The following CDH18 variants were observed in gnomAD, a reference collection of about 807,000 sequenced individuals.
The protein encoded by CDH18 is cadherin-18.
Under a neutral mutation model 67.9 loss-of-function variants are expected in CDH18, and 31 were observed. The ratio of observed to expected loss-of-function variants is 0.46; its 90% confidence interval spans 0.34 to 0.62. The LOEUF (loss-of-function observed/expected upper bound fraction) is 0.62. CDH18 is among the 20% of genes least tolerant of loss of function. The probability of loss-of-function intolerance (pLI) is 0.01; values close to 1 mark genes in which losing one functional copy is unlikely to be tolerated. For synonymous variants in CDH18, 362 were observed against 347.2 expected, an observed-to-expected ratio of 1.04 and a Z score of -0.48; for missense variants, 890 against 975.5, an observed-to-expected ratio of 0.91 and a Z score of 1.17.
chr5:19,947,209 A>G (rs2150250104), intron 2 of CDH18, among the ~76,000 whole-genome samples: 1 of 152,226 alleles, frequency 6.6e-6, no homozygotes, highest in East Asian at 1.9e-4. Flanking sequence ...AGTTTTATTC[A>G]ACATAATACT....
At chr5:20,130,598 C>A (rs374586526) in intron 2 of CDH18, among the ~76,000 whole-genome samples, 1 of 151,838 alleles carries the variant, frequency 6.6e-6, no homozygotes, top group Non-Finnish European at 1.5e-5. Context: ...CATCACAAGA[C>A]GACTGTAGGA....
intron 5 of CDH18, among the ~76,000 whole-genome samples, chr5:19,697,032 TG>T (rs1216907339): frequency 6.6e-6 from 1 of 152,196 alleles, no homozygotes; most frequent in Non-Finnish European, 1.5e-5. Context: ...ACTAGCTCAA[TG>T]AATGAAACAG....
At chr5:19,806,175 T>C (rs1581431021) in intron 3 of CDH18, among the ~76,000 whole-genome samples, 1 of 152,206 alleles carries the variant, frequency 6.6e-6, no homozygotes, top group Non-Finnish European at 1.5e-5. Flanking sequence ...GAGCAAAATA[T>C]ATTAGTGCAA....
intron 9 of CDH18, among the ~76,000 whole-genome samples, chr5:19,535,317 CT>C (rs1314869378): frequency 6.6e-6 from 1 of 152,094 alleles, no homozygotes; most frequent in East Asian, 1.9e-4. Flanking sequence ...CCTTCGCGAG[CT>C]AAGTAAAAGT....
chr5:20,470,268 C>T (rs1457034165), intron 1 of CDH18, among the ~76,000 whole-genome samples: 1 of 152,170 alleles, frequency 6.6e-6, no homozygotes, highest in Non-Finnish European at 1.5e-5. Context: ...AACTACACCA[C>T]TCTTCTTTAA....
At position 19,858,947 on chromosome 5, in the gene CDH18, T is replaced by C. The variant is rs1784572824; in HGVS notation, c.-256-19705A>G. Among the ~76,000 whole-genome samples the C allele has an allele frequency of 2.6e-5, 4 of 151,986 alleles. 1 individual carries two copies. The South Asian group carries it at 8.3e-4, about 31-fold the overall frequency. Reference sequence around the variant, plus strand: ...AAAATGTAATGTGTACAGCTAAATTTAAACTGAGCATGAAAAATGAAAAAA... The same window carrying C: ...AAAATGTAATGTGTACAGCTAAATTCAAACTGAGCATGAAAAATGAAAAAA... On this transcript the variant is annotated intron_variant, in intron 2 of 12. Coordinates refer to ENST00000382275, the MANE Select transcript of CDH18 (RefSeq NM_004934.5).
At chr5:20,190,757 T>A (rs766146441) in intron 2 of CDH18, among the ~76,000 whole-genome samples, 6 of 152,150 alleles carry the variant, frequency 3.9e-5, no homozygotes, top group Admixed American at 6.6e-5. Flanking sequence ...CATGTAAATC[T>A]TCTTAAAAGG....
intron 2 of CDH18, among the ~76,000 whole-genome samples, chr5:20,247,616 T>G (rs1307323974): frequency 6.6e-6 from 1 of 151,788 alleles, no homozygotes; most frequent in Non-Finnish European, 1.5e-5. Context: ...ACAGAAAAAT[T>G]AGCTGGGCAT....
At chr5:19,940,961 A>T (rs890268813) in intron 2 of CDH18, among the ~76,000 whole-genome samples, 4 of 152,156 alleles carry the variant, frequency 2.6e-5, no homozygotes, top group African/African-American at 9.6e-5. Flanking sequence ...TTTAAAAAAT[A>T]GTATCCCCAT....
chr5:20,250,589 C>CTTTTTT lies in CDH18; in HGVS notation c.-518+4849_-518+4854dup, dbSNP rs70954644. ...TACAGGCGTGAGCCACGGCCCATGG[C>CTTTTTT]TTTTTTTTTTTTTTTTTTTTTTTTT... On this transcript the variant is annotated intron_variant, in intron 2 of 14. Coordinates refer to the CDH18 transcript ENST00000507958. Among the ~76,000 whole-genome samples, 6 of 33,568 alleles carry CTTTTTT rather than the reference C, an allele frequency of 1.8e-4. 1 individual carries two copies. The highest frequency in any genetic ancestry group is 4.6e-4 in the African/African-American group (3 of 6,468). The allele number at this position is 33,568 out of a possible 152,430, so 22.0% of individuals were successfully genotyped here.
rs973476926 is a variant in CDH18 at position 19,970,542 on chromosome 5, T to C, written c.-257+10518A>G. Among the ~76,000 whole-genome samples, 21 of 151,554 alleles carry C rather than the reference T, an allele frequency of 1.4e-4. No individual in the cohort carries two copies. The South Asian group carries it at 4.1e-3, about 30-fold the overall frequency. The stretch of plus-strand genomic sequence containing the variant: ...ATTATATAGGAAACTCCCTAAATCA[T>C]TATCTTAAGGTTTTGGAACTATTAC... On this transcript the variant is annotated intron_variant, in intron 2 of 12. Coordinates refer to ENST00000382275, the MANE Select transcript of CDH18 (RefSeq NM_004934.5).
intron 2 of CDH18, among the ~76,000 whole-genome samples, chr5:20,155,687 T>C (rs533874742): frequency 5.9e-5 from 9 of 152,302 alleles, no homozygotes; most frequent in African/African-American, 2.2e-4. Context: ...GGTTTCCTTC[T>C]AGGATTTTTA....
chr5:20,263,125 C>T lies in CDH18; in HGVS notation c.-579-7620G>A, dbSNP rs545871052. 5.3e-5 allele frequency among the ~76,000 whole-genome samples: 8 copies of T among 152,048 alleles called. No homozygotes were observed. In the South Asian group the frequency reaches 1.5e-3, roughly 28 times the overall value. Reference sequence around the variant, plus strand: ...ATACACACACACAATTATGTACCCTCGAGCATGCATTGTTTTTTGTATTCA... The same window carrying T: ...ATACACACACACAATTATGTACCCTTGAGCATGCATTGTTTTTTGTATTCA... On this transcript the variant is annotated intron_variant, in intron 1 of 14. Transcript: ENST00000507958.
chr5:19,760,920 G>C (rs183532706), intron 3 of CDH18, among the ~76,000 whole-genome samples: 2 of 152,166 alleles, frequency 1.3e-5, no homozygotes, highest in African/African-American at 4.8e-5. Context: ...CAGCAGCATG[G>C]GTTGGGGAGT....
intron 2 of CDH18, among the ~76,000 whole-genome samples, chr5:20,178,906 T>C (rs1275927292): frequency 6.6e-6 from 1 of 152,156 alleles, no homozygotes; most frequent in African/African-American, 2.4e-5. Flanking sequence ...ATTGAATGAC[T>C]GCTTATGGAC....
chr5:20,147,513 C>T (rs1750744597), intron 2 of CDH18, among the ~76,000 whole-genome samples: 1 of 152,008 alleles, frequency 6.6e-6, no homozygotes, highest in Non-Finnish European at 1.5e-5. Context: ...ATAGTTTTTT[C>T]ATCCCAATGT....
chr5:20,081,740 C>T (rs974253949), intron 2 of CDH18, among the ~76,000 whole-genome samples: 2 of 152,060 alleles, frequency 1.3e-5, no homozygotes, highest in South Asian at 2.1e-4. Flanking sequence ...GGGAGCTAAA[C>T]ATTGAGTACA....
At chr5:19,677,260 C>T (rs146218877) in intron 5 of CDH18, among the ~76,000 whole-genome samples, 1 of 152,084 alleles carries the variant, frequency 6.6e-6, no homozygotes, top group African/African-American at 2.4e-5. Context: ...TTTCAGTATT[C>T]TTAAAGAAAA....
chr5:19,509,042 T>C (rs1411287620), intron 10 of CDH18, among the ~76,000 whole-genome samples: 1 of 151,908 alleles, frequency 6.6e-6, no homozygotes, highest in Non-Finnish European at 1.5e-5. Context: ...CTAATTTTTG[T>C]ATTTTTGGTA....
Sources: allele counts gnomAD v4.1 joint callset (sites outside exome capture counted in the v4.1 genomes callset), GRCh38; gene constraint gnomAD v4.1.1; transcripts MANE v1.5; gene names NCBI Gene and HGNC (gene_info 2026-07-23, HGNC 2026-07-21).